CTTN: variants seen among roughly 807,000 people sequenced by gnomAD.
CTTN encodes src substrate cortactin.
A neutral mutation model predicts 84.0 loss-of-function variants in CTTN; 28 were observed. The observed-to-expected ratio is 0.33, with a 90% CI of 0.25 to 0.46. The LOEUF (loss-of-function observed/expected upper bound fraction) is 0.46. Among genes scored for constraint, CTTN ranks in the 20% least tolerant of loss-of-function variants. CTTN has a pLI of 1.00. For missense variants in CTTN, 641 were observed against 723.8 expected, an observed-to-expected ratio of 0.89 and a Z score of 1.31; for synonymous variants, 301 against 288.8, an observed-to-expected ratio of 1.04 and a Z score of -0.43.
At chr11:70,398,943 G>C (rs982416602) in intron 1 of CTTN, among the ~76,000 whole-genome samples, 2 of 151,564 alleles carry the variant, frequency 1.3e-5, no homozygotes, top group African/African-American at 4.8e-5. Flanking sequence ...TCTGAGGGGA[G>C]GGTCCCTGGG....
intron 4 of CTTN, among the ~76,000 whole-genome samples, chr11:70,409,236 G>C (rs2058074794): frequency 6.6e-6 from 1 of 152,236 alleles, no homozygotes; most frequent in Non-Finnish European, 1.5e-5. Flanking sequence ...TCACTCTGGG[G>C]TCTCTCAATG....
intron 17 of CTTN, among the ~76,000 whole-genome samples, chr11:70,434,590 C>T (rs769350470): frequency 3.3e-5 from 5 of 152,278 alleles, no homozygotes; most frequent in African/African-American, 4.8e-5. Context: ...TTCTCATCAC[C>T]GTGGCTTTTG....
chr11:70,406,521 GAAAA>G (rs200374908), intron 2 of CTTN, among the ~76,000 whole-genome samples: 1 of 122,604 alleles, frequency 8.2e-6, no homozygotes, highest in Non-Finnish European at 1.8e-5. Flanking sequence ...TACATAGTTT[GAAAA>G]AAAAAAAAAA....
rs2058349753 is a variant in CTTN, at chr11:70,431,194, C to G, written c.1180C>G (p.Gln394Glu). Residue 394 changes from glutamine (Q) to glutamate (E), a missense_variant, in exon 15 of 18, where the codon CAA becomes GAA. Coordinates refer to ENST00000301843, the MANE Select transcript of CTTN (RefSeq NM_005231.4). ...TGCTGTTTGTTTTCAATCACAGGAG[C>G]AAGCCAGAGCCAAAACGCAAACGCC... ...QEEARRKLEE[Q>E]ARAKTQTPPV... The G allele has an allele frequency of 6.2e-7, 1 of 1,614,152 alleles. No homozygotes were observed.
chr11:70,420,452 C>A lies in CTTN; in HGVS notation c.732C>A (p.Asp244Glu). ...TTGGTGTGCAGACAGACAGACAAGA[C>A]AAATGTGCCCTTGGCTGGGATCACC... is the stretch of plus-strand genomic sequence containing the variant. Reference protein sequence around the residue: ...GKFGVQTDRQDKCALGWDHQE... With the variant: ...GKFGVQTDRQEKCALGWDHQE... Residue 244 changes from aspartate to glutamate, a missense_variant, in exon 10 of 18, where the codon GAC becomes GAA. Asp to Glu is a conservative substitution (Grantham distance 45, BLOSUM62 2). This residue lies in a region of CTTN where 284 missense variants were observed against 348.4 expected (regional missense o/e 0.82). Transcript: ENST00000301843. The A allele has an allele frequency of 6.2e-7, 1 of 1,614,200 alleles. No homozygotes were observed. Among genetic ancestry groups the A allele is most frequent in the Non-Finnish European group, 8.5e-7 (1 of 1,180,036 alleles).
intron 13 of CTTN, among the ~76,000 whole-genome samples, chr11:70,426,824 TCTC>T (rs542658150): frequency 1.3e-5 from 2 of 151,644 alleles, no homozygotes; most frequent in Admixed American, 1.3e-4. Context: ...ATGGTCTCGA[TCTC>T]CTGACCTCAT....
Position 70,424,852 on chromosome 11 carries a change from T to C in CTTN, c.958-480T>C, listed in dbSNP as rs2058283437. Among the ~76,000 whole-genome samples, 3 of 152,090 alleles carry C rather than the reference T, an allele frequency of 2.0e-5. No homozygotes were observed. In the South Asian group the frequency reaches 6.2e-4, roughly 31 times the overall value. ...TACGGCCACTGGTCTCCATGAGCCC[T>C]GACAGTCTCCACCTGAGTCAGCACG... On this transcript the variant is annotated intron_variant, in intron 12 of 17. Coordinates refer to ENST00000301843, the MANE Select transcript of CTTN (RefSeq NM_005231.4).
chr11:70,417,474 G>A (rs1002727692), intron 8 of CTTN, among the ~76,000 whole-genome samples: 1 of 151,774 alleles, frequency 6.6e-6, no homozygotes, highest in Non-Finnish European at 1.5e-5. Flanking sequence ...TAAGTGCTGG[G>A]ATTACAGGTG....
chr11:70,428,943 G>A, intron 13 of CTTN, 108 bp from the exon 14 acceptor site: 1 of 1,369,754 alleles, frequency 7.3e-7, no homozygotes. Context: ...TTGGGGGTTA[G>A]GGGGATGACC....
chr11:70,407,234 C>T (rs1226142818), intron 2 of CTTN, 64 bp from the exon 3 acceptor site: 2 of 1,383,760 alleles, frequency 1.4e-6, no homozygotes, highest in South Asian at 1.3e-5. Flanking sequence ...CCAAAGGGCT[C>T]ATCTGCTGGC....
In CTTN at chr11:70,408,752, A is replaced by G. The variant is rs1008792639; in HGVS notation, c.162-1079A>G. On this transcript the variant is annotated intron_variant, in intron 4 of 17. Transcript: ENST00000301843. ...AGTCCCTCTCTGGCTTGCTCAGCAC[A>G]CTCCCTTCCACAGAAGCAGCTTCGG... 2.0e-5 allele frequency among the ~76,000 whole-genome samples: 3 copies of G among 151,848 alleles called. No homozygotes were observed. The East Asian group carries it at 5.8e-4, about 29-fold the overall frequency.
intron 4 of CTTN, among the ~76,000 whole-genome samples, chr11:70,409,499 G>A (rs1207291468): frequency 6.6e-6 from 1 of 152,166 alleles, no homozygotes; most frequent in Non-Finnish European, 1.5e-5. Flanking sequence ...GATGATTACA[G>A]ACTAGCTTTC....
chr11:70,417,753 C>T lies in CTTN; in HGVS notation c.568+630C>T, dbSNP rs1015576658. On this transcript the variant is annotated intron_variant, in intron 8 of 17. Coordinates refer to ENST00000301843, the MANE Select transcript of CTTN (RefSeq NM_005231.4). ...TCAGGTGATCGCCCTGCCTTGGCCT[C>T]CCAAAGTGCTGGGATTACAGGTGTG... Among the ~76,000 whole-genome samples the T allele has an allele frequency of 3.3e-5, 5 of 152,200 alleles. No homozygotes were observed. The East Asian group carries it at 9.6e-4, about 29-fold the overall frequency.
chr11:70,405,629 C>T (rs1424096787), intron 2 of CTTN, among the ~76,000 whole-genome samples: 3 of 152,164 alleles, frequency 2.0e-5, no homozygotes, highest in Non-Finnish European at 4.4e-5. Flanking sequence ...CCTTCCCCAC[C>T]CCATGAACAT....
intron 4 of CTTN, 182 bp downstream of exon 4, chr11:70,407,773 G>A (rs1247581098): frequency 1.7e-6 from 1 of 592,766 alleles, no homozygotes; most frequent in East Asian, 2.8e-5. Flanking sequence ...TGTGTAATGT[G>A]TGTGTTTATA....
intron 13 of CTTN, among the ~76,000 whole-genome samples, chr11:70,425,754 G>C (rs954815115): frequency 3.3e-5 from 5 of 152,212 alleles, no homozygotes; most frequent in Non-Finnish European, 7.3e-5. Context: ...CTCGGTCGCA[G>C]CTGTGACAGG....
intron 8 of CTTN, among the ~76,000 whole-genome samples, chr11:70,418,029 GT>G (rs1255715850): frequency 1.3e-5 from 2 of 151,798 alleles, no homozygotes; most frequent in Non-Finnish European, 2.9e-5. Context: ...TGGCCTGCCT[GT>G]TTCCCTGTGC....
chr11:70,417,140 G>C lies in CTTN; in HGVS notation c.568+17G>C. On this transcript the variant is annotated intron_variant, in intron 8 of 17. Coordinates refer to ENST00000301843, the MANE Select transcript of CTTN (RefSeq NM_005231.4). ...CACAGAGAGGTGGGGCGGACCCCAC[G>C]GTCTGTAATCACGCGTTTGCTCCAG... 6.3e-7 allele frequency: 1 copy of C among 1,586,564 alleles called. No individual in the cohort carries two copies. The highest frequency in any genetic ancestry group is 1.3e-5 in the African/African-American group (1 of 74,514).
At chr11:70,423,936 C>G (rs1244389145) in intron 12 of CTTN, among the ~76,000 whole-genome samples, 1 of 152,042 alleles carries the variant, frequency 6.6e-6, no homozygotes, top group African/African-American at 2.4e-5. Context: ...GGGTGTGGTC[C>G]TGAAGAGAGC....
Sources: gnomAD v4.1 joint callset for allele counts (sites outside exome capture counted in the v4.1 genomes callset) on GRCh38, gnomAD v4.1.1 for gene constraint, gnomAD v4.1.1 regional missense constraint, MANE v1.5 for transcripts, NCBI Gene and HGNC (gene_info 2026-07-23, HGNC 2026-07-21) for gene names.